Variants in CC2D2A observed in about 807,000 individuals in gnomAD.
The protein encoded by CC2D2A is coiled-coil and C2 domain containing 2A.
A neutral mutation model predicts 212.9 loss-of-function variants in CC2D2A; 155 were observed. The observed-to-expected ratio is 0.73, with a 90% CI of 0.64 to 0.83. The LOEUF is 0.83. CC2D2A is among the 40% of genes least tolerant of loss of function. CC2D2A has a pLI of 0.00. For missense variants in CC2D2A, 1,856 were observed against 1,956.2 expected (o/e 0.95, Z 0.97); for synonymous variants, 667 against 686.5 (o/e 0.97, Z 0.44).
chr4:15,487,232 C>T lies in CC2D2A; in HGVS notation c.247+6405C>T, dbSNP rs753801939. Among the ~76,000 whole-genome samples, 18 of 151,958 alleles carry T rather than the reference C, an allele frequency of 1.2e-4. No homozygotes were observed. The East Asian group carries it at 1.3e-3, about 11-fold the overall frequency. On this transcript the variant is annotated intron_variant, in intron 4 of 36. Coordinates refer to ENST00000424120, the MANE Select transcript of CC2D2A (RefSeq NM_001378615.1). ...TCTAAATGATCTATCCAATGCTGAACGGGAGTATTAAGATCCTCAACTATT... is the reference window on the plus strand; with the variant it reads ...TCTAAATGATCTATCCAATGCTGAATGGGAGTATTAAGATCCTCAACTATT...
At position 15,486,726 on chromosome 4, in the gene CC2D2A, C is replaced by T. The variant is rs1715021840; in HGVS notation, c.247+5899C>T. Among the ~76,000 whole-genome samples the T allele has an allele frequency of 2.0e-5, 3 of 151,652 alleles. 1 individual carries two copies. In the South Asian group the frequency reaches 6.2e-4, roughly 31 times the overall value. On this transcript the variant is annotated intron_variant, in intron 4 of 36. Transcript: ENST00000424120. ...TTGATGTGCTTTTGATTTTCTGTTT[C>T]TTTAAGATGCATTGTGAGGTTATTT... is the stretch of plus-strand genomic sequence containing the variant.
intron 33 of CC2D2A, among the ~76,000 whole-genome samples, chr4:15,592,618 T>C (rs778527512): frequency 6.6e-6 from 1 of 152,240 alleles, no homozygotes; most frequent in Admixed American, 6.5e-5. Context: ...TTGTTTCTTA[T>C]GTTTCTTTCA....
At chr4:15,547,293 T>C (rs1257142769) in intron 17 of CC2D2A, among the ~76,000 whole-genome samples, 1 of 152,210 alleles carries the variant, frequency 6.6e-6, no homozygotes, top group Non-Finnish European at 1.5e-5. Context: ...ACCTCAAACA[T>C]TTATCATTTG....
intron 29 of CC2D2A, 79 bp downstream of exon 29, chr4:15,574,405 C>A: frequency 8.2e-6 from 9 of 1,095,354 alleles, no homozygotes; most frequent in Non-Finnish European, 1.0e-5. Context: ...CTTTTATGAA[C>A]TTTTTCCTAC....
intron 11 of CC2D2A, chr4:15,519,757 T>A (rs1717101349): frequency 2.5e-6 from 1 of 395,604 alleles, no homozygotes; most frequent in African/African-American, 2.1e-5. Flanking sequence ...CTCATAAAAT[T>A]CATTCACCAT....
At chr4:15,470,299 C>T (rs1560382568) in intron 1 of CC2D2A, among the ~76,000 whole-genome samples, 1 of 152,196 alleles carries the variant, frequency 6.6e-6, no homozygotes, top group African/African-American at 2.4e-5. Flanking sequence ...TCCAGTTCAT[C>T]ACAAGTCCTG....
rs1432325657 is a variant in CC2D2A, at chr4:15,559,270, A to G, written c.2922+13A>G. 1 of 1,503,098 alleles carries G rather than the reference A, an allele frequency of 6.7e-7. No homozygotes were observed. Among genetic ancestry groups the G allele is most frequent in the East Asian group, 2.5e-5 (1 of 40,650 alleles). 93.1% of individuals were successfully genotyped at this position (1,503,098 alleles called of 1,614,324 possible). A position where few individuals can be genotyped will look rare whatever the true frequency, so the allele number is the denominator to read the frequency against. On this transcript the variant is annotated intron_variant, in intron 22 of 36. Transcript: ENST00000424120. ...GTACCTCCAGCAGGTAAGAAAAATC[A>G]TATAAAACTGTCTTCATAGGGAGAA... is the stretch of plus-strand genomic sequence containing the variant.
At chr4:15,545,397 G>A (rs1311535169) in intron 17 of CC2D2A, among the ~76,000 whole-genome samples, 1 of 152,106 alleles carries the variant, frequency 6.6e-6, no homozygotes, top group Non-Finnish European at 1.5e-5. Flanking sequence ...CTAAGCCAGG[G>A]TGTTGTGGAG....
At position 15,567,736 on chromosome 4, in the gene CC2D2A, G is replaced by A. The variant is rs758507321; in HGVS notation, c.3348G>A (p.Thr1116=). 1.5e-5 allele frequency: 24 copies of A among 1,605,160 alleles called. No homozygotes were observed. The highest frequency in any genetic ancestry group is 1.9e-5 in the Non-Finnish European group (22 of 1,177,724). Residue 1116 remains threonine (T), a synonymous_variant, in exon 26 of 37, where the codon ACG becomes ACA. Transcript: ENST00000424120. ...AACGAACAGTTTGCCATACGACTACGGCTGAAGGACCAAACCCTAGCTGGA... is the reference window on the plus strand; with the variant it reads ...AACGAACAGTTTGCCATACGACTACAGCTGAAGGACCAAACCCTAGCTGGA... ...SFQRTVCHTT[T]AEGPNPSWNE...
intron 17 of CC2D2A, among the ~76,000 whole-genome samples, chr4:15,542,730 C>A (rs1205059559): frequency 6.6e-6 from 1 of 152,242 alleles, no homozygotes; most frequent in Non-Finnish European, 1.5e-5. Flanking sequence ...GACCTTACCA[C>A]AATTGACCAA....
intron 3 of CC2D2A, 60 bp downstream of exon 3, chr4:15,478,866 C>T: frequency 7.5e-7 from 1 of 1,331,576 alleles, no homozygotes; most frequent in Non-Finnish European, 1.1e-6. Flanking sequence ...CCGCCTGCAT[C>T]CCCAGGGCCA....
At chr4:15,474,462 G>A (rs1277499601) in intron 1 of CC2D2A, among the ~76,000 whole-genome samples, 22 of 151,998 alleles carry the variant, frequency 1.4e-4, no homozygotes, top group Non-Finnish European at 2.2e-4. Flanking sequence ...GTCAGGGGTC[G>A]GGGGAGGTTG....
chr4:15,521,547 G>A lies in CC2D2A; in HGVS notation c.1149+4791G>A, dbSNP rs916162402. Among the ~76,000 whole-genome samples, 14 of 152,160 alleles carry A rather than the reference G, an allele frequency of 9.2e-5. 1 individual carries two copies. The highest frequency in any genetic ancestry group is 1.2e-4 in the Non-Finnish European group (8 of 68,030). On this transcript the variant is annotated intron_variant, in intron 11 of 36. Coordinates refer to ENST00000424120, the MANE Select transcript of CC2D2A (RefSeq NM_001378615.1). ...TACTTCCAAACAGACTTTCCACCTA[G>A]GAGTTTCTGGCATGATGCAAGAGCA... is the stretch of plus-strand genomic sequence containing the variant.
intron 5 of CC2D2A, 111 bp from the exon 6 acceptor site, chr4:15,502,711 G>T: frequency 1.8e-6 from 2 of 1,100,004 alleles, no homozygotes; most frequent in South Asian, 3.0e-5. Context: ...TCACTTTTCT[G>T]AACCATTTTC....
intron 33 of CC2D2A, 86 bp downstream of exon 33, chr4:15,589,765 CAAAAT>C (rs1721012385): frequency 1.5e-6 from 1 of 674,128 alleles, no homozygotes; most frequent in South Asian, 6.5e-5. Context: ...TTTATGTAAC[CAAAAT>C]ATTTATATAA....
chr4:15,477,772 C>T (rs549234544), intron 2 of CC2D2A, among the ~76,000 whole-genome samples: 23 of 152,320 alleles, frequency 1.5e-4, no homozygotes, highest in African/African-American at 4.1e-4. Flanking sequence ...TTCTCTCGTT[C>T]GACCTCACTT....
chr4:15,546,648 T>C (rs1718726701), intron 17 of CC2D2A, among the ~76,000 whole-genome samples: 1 of 152,260 alleles, frequency 6.6e-6, no homozygotes, highest in Non-Finnish European at 1.5e-5. Context: ...TGGTTCTTTA[T>C]GGACCCAAGT....
chr4:15,477,314 A>AG lies in CC2D2A; in HGVS notation c.39+1343_39+1344insG, dbSNP rs1335032364. On this transcript the variant is annotated intron_variant, in intron 2 of 36. Transcript: ENST00000424120. Reference sequence around the variant, plus strand: ...AAGACTCCATCTCAAAAAAAAAAAAAAAAACTTTAAGCAAGATCAAGTACC... The same window carrying AG: ...AAGACTCCATCTCAAAAAAAAAAAAAGAAAACTTTAAGCAAGATCAAGTACC... Among the ~76,000 whole-genome samples, 5 of 152,242 alleles carry AG rather than the reference A, an allele frequency of 3.3e-5. No individual in the cohort carries two copies. The East Asian group carries it at 9.7e-4, about 29-fold the overall frequency.
chr4:15,542,413 T>C (rs2109040786), intron 17 of CC2D2A, among the ~76,000 whole-genome samples: 1 of 152,218 alleles, frequency 6.6e-6, no homozygotes, highest in East Asian at 1.9e-4. Flanking sequence ...CAGATCCTCA[T>C]CCATCACTTA....
Sources: gnomAD v4.1 joint callset for allele counts (sites outside exome capture counted in the v4.1 genomes callset) on GRCh38, gnomAD v4.1.1 for gene constraint, MANE v1.5 for transcripts, NCBI Gene and HGNC (gene_info 2026-07-23, HGNC 2026-07-21) for gene names.